LURAP1L: variants seen among roughly 807,000 people sequenced by gnomAD.
The protein encoded by LURAP1L is leucine rich adaptor protein 1 like.
Under a neutral mutation model 13.8 loss-of-function variants are expected in LURAP1L, and 12 were observed. The observed-to-expected ratio is 0.87, with a 90% CI of 0.56 to 1.41. The LOEUF is 1.41. LURAP1L is among the 40% of genes most tolerant of loss of function. The pLI is 0.00. For missense variants in LURAP1L, 375 were observed against 292.9 expected (o/e 1.28, Z -2.04); for synonymous variants, 139 against 119.2 (o/e 1.17, Z -1.08).
chr9:12,800,444 T>C (rs961765192), intron 1 of LURAP1L, among the ~76,000 whole-genome samples: 1 of 152,110 alleles, frequency 6.6e-6, no homozygotes, highest in African/African-American at 2.4e-5. Flanking sequence ...TCATGTCTTT[T>C]TATAGGGTGT....
At chr9:12,786,915 T>G (rs1819364056) in intron 1 of LURAP1L, among the ~76,000 whole-genome samples, 1 of 152,012 alleles carries the variant, frequency 6.6e-6, no homozygotes, top group Non-Finnish European at 1.5e-5. Flanking sequence ...CTGATACAAT[T>G]GGACCCATCA....
At chr9:12,801,362 T>A (rs2118513585) in intron 1 of LURAP1L, among the ~76,000 whole-genome samples, 1 of 151,898 alleles carries the variant, frequency 6.6e-6, no homozygotes, top group African/African-American at 2.4e-5. Flanking sequence ...ATGGTGAAGT[T>A]GTGAATGAGG....
Position 12,821,671 on chromosome 9 carries a change from G to A in LURAP1L, c.598G>A (p.Asp200Asn). 6.2e-7 allele frequency: 1 copy of A among 1,614,138 alleles called. No homozygotes were observed. Among genetic ancestry groups the A allele is most frequent in the Non-Finnish European group, 8.5e-7 (1 of 1,180,030 alleles). The change falls in exon 2 of 2, where the codon GAC becomes AAC. Residue 200 changes from aspartate to asparagine, a missense_variant. Asp to Asn is a conservative substitution (Grantham distance 23). Coordinates refer to ENST00000319264, the MANE Select transcript of LURAP1L (RefSeq NM_203403.2). ...VPGHQTPSDLDQFSDSSLIED... is the reference protein window; with the variant it reads ...VPGHQTPSDLNQFSDSSLIED... ...AGGCCATCAGACCCCTTCAGACTTGGACCAATTCAGTGACAGCTCCCTCAT... is the reference window on the plus strand; with the variant it reads ...AGGCCATCAGACCCCTTCAGACTTGAACCAATTCAGTGACAGCTCCCTCAT...
chr9:12,778,115 C>T (rs1331054559), intron 1 of LURAP1L, among the ~76,000 whole-genome samples: 1 of 152,128 alleles, frequency 6.6e-6, no homozygotes, highest in Non-Finnish European at 1.5e-5. Context: ...TATTTCATCA[C>T]TACTCAAATG....
chr9:12,786,547 CATATATATATAT>C lies in LURAP1L; in HGVS notation c.312+10544_312+10555del, dbSNP rs67654649. 4.6e-3 allele frequency among the ~76,000 whole-genome samples: 246 copies of C among 53,032 alleles called. 9 individuals are homozygous for C. The highest frequency in any genetic ancestry group is 0.017 in the African/African-American group (210 of 12,212). The allele number at this position is 53,032 out of a possible 152,430, so 34.8% of individuals were successfully genotyped here. A position where few individuals can be genotyped will look rare whatever the true frequency, so the allele number is the denominator to read the frequency against. The stretch of plus-strand genomic sequence containing the variant: ...AAATGGCTAACATGTATATATATGA[CATATATATATAT>C]ATATATATATATATATATATATAAA... On this transcript the variant is annotated intron_variant, in intron 1 of 1. Transcript: ENST00000319264.
intron 1 of LURAP1L, among the ~76,000 whole-genome samples, chr9:12,792,588 T>A (rs1819457203): frequency 6.6e-6 from 1 of 152,128 alleles, no homozygotes. Context: ...TTCTCCCTGA[T>A]GTTATAGTTG....
chr9:12,789,906 G>A (rs1047075105), intron 1 of LURAP1L, among the ~76,000 whole-genome samples: 2 of 152,146 alleles, frequency 1.3e-5, no homozygotes, highest in Non-Finnish European at 2.9e-5. Context: ...AAGAATCTGA[G>A]ACCATACTTT....
At chr9:12,809,142 C>T (rs1563896861) in intron 1 of LURAP1L, among the ~76,000 whole-genome samples, 2 of 152,252 alleles carry the variant, frequency 1.3e-5, no homozygotes, top group East Asian at 1.9e-4. Context: ...ATGAGGAGGG[C>T]ACTAAGCCAT....
chr9:12,799,010 A>C (rs1819548312), intron 1 of LURAP1L, among the ~76,000 whole-genome samples: 1 of 152,126 alleles, frequency 6.6e-6, no homozygotes, highest in African/African-American at 2.4e-5. Context: ...CCAGTCCTAA[A>C]CTGTCATCAG....
At chr9:12,815,911 A>T (rs1309218450) in intron 1 of LURAP1L, among the ~76,000 whole-genome samples, 1 of 152,172 alleles carries the variant, frequency 6.6e-6, no homozygotes, top group Non-Finnish European at 1.5e-5. Context: ...ATTATGACAA[A>T]ATTTCTGATA....
intron 1 of LURAP1L, among the ~76,000 whole-genome samples, chr9:12,811,466 G>C (rs982794390): frequency 6.6e-6 from 1 of 152,036 alleles, no homozygotes; most frequent in Non-Finnish European, 1.5e-5. Flanking sequence ...TTCTCTTAGG[G>C]GAAAGAAAAG....
At chr9:12,804,585 C>G (rs145594851) in intron 1 of LURAP1L, among the ~76,000 whole-genome samples, 1 of 152,048 alleles carries the variant, frequency 6.6e-6, no homozygotes, top group Admixed American at 6.6e-5. Flanking sequence ...TGAGGTGATC[C>G]GCTTGCCTCG....
At chr9:12,785,820 C>T (rs1023930599) in intron 1 of LURAP1L, among the ~76,000 whole-genome samples, 3 of 152,098 alleles carry the variant, frequency 2.0e-5, no homozygotes, top group Non-Finnish European at 2.9e-5. Context: ...ATGTTAAAAC[C>T]GGGTACTATG....
rs1304133032 is a variant in LURAP1L at position 12,821,431 on chromosome 9, G to C, written c.358G>C (p.Val120Leu). Residue 120 changes from valine (V) to leucine (L), a missense_variant, in exon 2 of 2, where the codon GTA (valine) becomes CTA (leucine). By Grantham distance (32) the Val-to-Leu change is conservative. Coordinates refer to ENST00000319264, the MANE Select transcript of LURAP1L (RefSeq NM_203403.2). ...TDVRLMRQLL[V>L]INESIESIKW... ...CGTCAGGCTCATGCGCCAGTTGCTTGTAATCAATGAGAGCATCGAGTCCAT... is the reference window on the plus strand; with the variant it reads ...CGTCAGGCTCATGCGCCAGTTGCTTCTAATCAATGAGAGCATCGAGTCCAT... 2 of 1,614,164 alleles carry C rather than the reference G, an allele frequency of 1.2e-6. No individual in the cohort carries two copies. The highest frequency in any genetic ancestry group is 1.3e-5 in the African/African-American group (1 of 75,038).
At chr9:12,797,536 G>C (rs191367080) in intron 1 of LURAP1L, among the ~76,000 whole-genome samples, 2 of 152,078 alleles carry the variant, frequency 1.3e-5, no homozygotes, top group Non-Finnish European at 2.9e-5. Flanking sequence ...TTTTAAACCT[G>C]TATCTACCAG....
At chr9:12,817,718 T>C (rs1050867072) in intron 1 of LURAP1L, among the ~76,000 whole-genome samples, 1 of 152,162 alleles carries the variant, frequency 6.6e-6, no homozygotes, top group Non-Finnish European at 1.5e-5. Context: ...CTATTTTTAA[T>C]TGATGGCTAG....
chr9:12,777,208 A>T, intron 1 of LURAP1L: 1 of 984,748 alleles, frequency 1.0e-6, no homozygotes, highest in Non-Finnish European at 1.2e-6. Context: ...AGGTTGGACA[A>T]AAATTTAAGG....
chr9:12,784,205 T>C (rs1330834211), intron 1 of LURAP1L, among the ~76,000 whole-genome samples: 2 of 152,192 alleles, frequency 1.3e-5, no homozygotes, highest in Non-Finnish European at 2.9e-5. Context: ...GTGCCCTTAT[T>C]TAGTTCATTT....
At chr9:12,791,111 C>A in intron 1 of LURAP1L, among the ~76,000 whole-genome samples, 1 of 152,094 alleles carries the variant, frequency 6.6e-6, no homozygotes, top group South Asian at 2.1e-4. Context: ...CAGTTGCTAG[C>A]AAGCTTATAG....
Sources: gnomAD v4.1 joint callset for allele counts (sites outside exome capture counted in the v4.1 genomes callset) on GRCh38, gnomAD v4.1.1 for gene constraint, MANE v1.5 for transcripts, NCBI Gene and HGNC (gene_info 2026-07-23, HGNC 2026-07-21) for gene names.